Variants in PRSS53 observed in about 807,000 individuals in gnomAD.
PRSS53 encodes the protein EDTP308.
PRSS53 carries 54 observed loss-of-function variants against 62.7 expected under a neutral mutation model. The ratio of observed to expected loss-of-function variants is 0.86; its 90% CI spans 0.69 to 1.08. The LOEUF is 1.08. Ranked by LOEUF, PRSS53 falls within the 50% of genes least tolerant of loss-of-function variation. The probability of loss-of-function intolerance (pLI) is 0.00; values close to 1 mark genes in which losing one functional copy is unlikely to be tolerated. For synonymous variants in PRSS53, 273 were observed against 300.0 expected (o/e 0.91, Z 0.93); for missense variants, 688 against 728.3 (o/e 0.94, Z 0.64).
exon 8 of PRSS53, chr16:31,084,942 C>G: frequency 6.5e-7 from 1 of 1,547,752 alleles, no homozygotes; most frequent in Non-Finnish European, 8.7e-7. Flanking sequence ...TGGGTGTAGG[C>G]TCCATGCAGG....
At chr16:31,083,949 G>C (rs994906263) in intron 10 of PRSS53, 140 bp from the exon 11 acceptor site, 6 of 1,519,240 alleles carry the variant, frequency 3.9e-6, no homozygotes, top group Non-Finnish European at 5.3e-6. Context: ...CGGTTGAGCA[G>C]CCTGCTCCAA....
At chr16:31,086,670 G>T (rs768498962) in exon 4 of PRSS53, 7 of 1,545,100 alleles carry the variant, frequency 4.5e-6, no homozygotes, top group Non-Finnish European at 6.1e-6. Flanking sequence ...TGGCCCAGCA[G>T]GAGGCTCCAA....
At chr16:31,088,209 GGATTA>G in intron 1 of PRSS53, 1 of 1,172,040 alleles carries the variant, frequency 8.5e-7, no homozygotes. Context: ...CTAAGAGGAA[GGATTA>G]GAGGCCTGCA....
At chr16:31,083,626 G>A (rs2057194298) in exon 11 of PRSS53, 2 of 1,510,208 alleles carry the variant, frequency 1.3e-6, no homozygotes, top group Non-Finnish European at 1.8e-6. Context: ...CTGCAGGGTG[G>A]GGAGTGGGCA....
exon 11 of PRSS53, chr16:31,083,706 C>CA: frequency 6.2e-7 from 1 of 1,610,536 alleles, no homozygotes; most frequent in Non-Finnish European, 8.5e-7. Context: ...CCTGGAATCA[C>CA]ACATGACAGG....
chr16:31,084,672 G>A (rs1375831191), exon 9 of PRSS53: 1 of 1,611,876 alleles, frequency 6.2e-7, no homozygotes, highest in Admixed American at 1.7e-5. Context: ...GCCCCAGGAG[G>A]GTCACGGGCA....
At chr16:31,085,355 C>T in intron 6 of PRSS53, 95 bp from the exon 7 acceptor site, 1 of 1,374,190 alleles carries the variant, frequency 7.3e-7, no homozygotes, top group Non-Finnish European at 9.6e-7. Flanking sequence ...ATTTTGTTCC[C>T]CTCATTACTG....
exon 9 of PRSS53, chr16:31,084,574 T>C: frequency 6.2e-7 from 1 of 1,605,766 alleles, no homozygotes; most frequent in Non-Finnish European, 8.5e-7. Flanking sequence ...GCTGGGCAGC[T>C]CACCCACAGC....
chr16:31,084,821 C>T lies in PRSS53; in HGVS notation c.1238G>A (p.Gly413Glu), dbSNP rs900850086. 7.8e-6 allele frequency: 12 copies of T among 1,543,878 alleles called. No homozygotes were observed. The African/African-American group carries it at 1.2e-4, about 16-fold the overall frequency. ...CCGTCCCAGAACCCAGCCACGCTCC[C>T]CATCAGGCAGGTGGTGGTCAGGATA... Residue 413 changes from glycine to glutamate, a missense_variant, in exon 8 of 11, where the codon GGG (glycine) becomes GAG (glutamate). Gly to Glu is a moderately conservative substitution (Grantham distance 98). Transcript: ENST00000280606.
rs370867880 is a variant in PRSS53, at chr16:31,085,121, G to A, written c.1023C>T (p.His341=). 1.5e-3 allele frequency: 2,445 copies of A among 1,612,920 alleles called. No homozygotes were observed. Among genetic ancestry groups the A allele is most frequent in the Middle Eastern group, 4.0e-3 (24 of 6,058 alleles). Residue 341 remains histidine, a synonymous_variant, in exon 7 of 11, where the codon CAC becomes CAT. Coordinates refer to ENST00000280606, the Ensembl canonical transcript of PRSS53. ...GATCCAAGACTCACCCAATGAAGCA[G>A]TGGGCAGCAGTTAGCACCGCCTCCT...
Position 31,085,107 on chromosome 16 carries a change from C to T in PRSS53, c.1034+3G>A. On this transcript the variant is annotated splice_donor_region_variant and intron_variant, in intron 7 of 10. Coordinates refer to ENST00000280606, the Ensembl canonical transcript of PRSS53. Reference sequence around the variant, plus strand: ...GCACAGCAGAGAGGGATCCAAGACTCACCCAATGAAGCAGTGGGCAGCAGT... The same window carrying T: ...GCACAGCAGAGAGGGATCCAAGACTTACCCAATGAAGCAGTGGGCAGCAGT... 3 of 1,613,086 alleles carry T rather than the reference C, an allele frequency of 1.9e-6. No individual in the cohort carries two copies. Among genetic ancestry groups the T allele is most frequent in the Non-Finnish European group, 2.5e-6 (3 of 1,179,714 alleles).
chr16:31,085,074 G>C (rs768698044), intron 7 of PRSS53, 36 bp downstream of exon 7: 3 of 1,612,456 alleles, frequency 1.9e-6, no homozygotes, highest in Non-Finnish European at 2.5e-6. Flanking sequence ...TGCCGGCAGG[G>C]GCAGGGGGCA....
chr16:31,085,820 C>T (rs1007747092), intron 6 of PRSS53, 144 bp downstream of exon 6: 6 of 711,008 alleles, frequency 8.4e-6, no homozygotes, highest in Non-Finnish European at 1.4e-5. Context: ...GCCTCTCAGC[C>T]CTAACAGGGC....
chr16:31,085,479 A>G (rs1217337445), intron 6 of PRSS53, among the ~76,000 whole-genome samples: 2 of 152,174 alleles, frequency 1.3e-5, no homozygotes, highest in East Asian at 3.9e-4. Context: ...TGTTGGTCTG[A>G]TGGGACCCCT....
chr16:31,086,379 C>A (rs889911641), exon 5 of PRSS53: 1 of 1,613,918 alleles, frequency 6.2e-7, no homozygotes, highest in African/African-American at 1.3e-5. Context: ...CCCCACATAG[C>A]ATCCCAGGCC....
Position 31,084,544 on chromosome 16 carries a change from G to A in PRSS53, c.1425+14C>T, listed in dbSNP as rs1388992864. On this transcript the variant is annotated intron_variant, in intron 9 of 10. Coordinates refer to ENST00000280606, the Ensembl canonical transcript of PRSS53. ...AGGGGCCTGTTAGGTAAGGTGTGGGGGCCTGGGGCTCACCTCACAGCTGGG... is the reference window on the plus strand; with the variant it reads ...AGGGGCCTGTTAGGTAAGGTGTGGGAGCCTGGGGCTCACCTCACAGCTGGG... 2 of 1,598,978 alleles carry A rather than the reference G, an allele frequency of 1.3e-6. No individual in the cohort carries two copies. Among genetic ancestry groups the A allele is most frequent in the Middle Eastern group, 2.2e-4 (1 of 4,484 alleles).
chr16:31,084,301 C>G (rs1235724538), exon 10 of PRSS53: 1 of 1,612,978 alleles, frequency 6.2e-7, no homozygotes, highest in Non-Finnish European at 8.5e-7. Context: ...CCATGTGCCC[C>G]TCACCTCATG....
chr16:31,086,457 G>A (rs767152793), exon 5 of PRSS53: 5 of 1,614,038 alleles, frequency 3.1e-6, no homozygotes, highest in East Asian at 4.5e-5. Flanking sequence ...GGCGACTGAT[G>A]AGACGCAGGC....
chr16:31,085,331 G>C, intron 6 of PRSS53, 71 bp from the exon 7 acceptor site: 1 of 1,440,562 alleles, frequency 6.9e-7, no homozygotes, highest in Non-Finnish European at 9.2e-7. Context: ...CCTCACAGTA[G>C]CTTTTGAAAT....
Sources: allele counts gnomAD v4.1 joint callset (sites outside exome capture counted in the v4.1 genomes callset), GRCh38; gene constraint gnomAD v4.1.1; transcripts MANE v1.5; gene names NCBI Gene and HGNC (gene_info 2026-07-23, HGNC 2026-07-21).